The following NT5M variants were observed in gnomAD, a reference collection of about 807,000 sequenced individuals.
NT5M encodes the protein 5',3'-nucleotidase, mitochondrial, also known as 5'(3')-deoxyribonucleotidase, mitochondrial.
In NT5M, 22 loss-of-function variants were observed where a neutral mutation model predicts 22.2. That is an observed-to-expected ratio of 0.99 (90% CI 0.71 to 1.41). The LOEUF (loss-of-function observed/expected upper bound fraction) is 1.41, where lower values mean the gene tolerates loss of function less well. Among genes scored for constraint, NT5M ranks in the 40% most tolerant of loss-of-function variants. The probability of loss-of-function intolerance (pLI) is 0.00; values close to 1 mark genes in which losing one functional copy is unlikely to be tolerated. For synonymous variants in NT5M, 167 were observed against 133.0 expected (o/e 1.26, Z -1.76); for missense variants, 322 against 314.8 (o/e 1.02, Z -0.17).
intron 2 of NT5M, among the ~76,000 whole-genome samples, chr17:17,316,046 T>TGC (rs2049021070): frequency 6.6e-6 from 1 of 151,046 alleles, no homozygotes; most frequent in Non-Finnish European, 1.5e-5. Context: ...TGAGCCACCA[T>TGC]GCCCGGCCTT....
At chr17:17,338,656 G>A (rs192380540) in intron 3 of NT5M, among the ~76,000 whole-genome samples, 16 of 123,852 alleles carry the variant, frequency 1.3e-4, no homozygotes, top group African/African-American at 5.0e-4. Context: ...GAATTTTTGT[G>A]GTTCTATGTA....
rs914521896 is a variant in NT5M, at chr17:17,303,579, G to T, written c.29G>T (p.Arg10Leu). The T allele has an allele frequency of 2.6e-6, 3 of 1,147,790 alleles. No homozygotes were observed. The African/African-American group carries it at 4.9e-5, about 19-fold the overall frequency. 71.1% of individuals were successfully genotyped at this position (1,147,790 alleles called of 1,614,324 possible). The change falls in exon 1 of 5, where the codon CGG becomes CTG. Residue 10 changes from arginine to leucine, a missense_variant. Physicochemically the swap from Arg to Leu is moderately radical, Grantham distance 102. Transcript: ENST00000389022. MIRLGGWCA[R>L]RLCSAAVPAG... ...ATCCGGCTGGGCGGCTGGTGTGCGC[G>T]GCGGCTCTGCAGCGCGGCGGTTCCC...
intron 2 of NT5M, among the ~76,000 whole-genome samples, chr17:17,314,227 G>C (rs760537675): frequency 5.9e-5 from 9 of 152,040 alleles, no homozygotes; most frequent in Non-Finnish European, 1.3e-4. Flanking sequence ...TAAAGACGGG[G>C]TTTCACCACG....
intron 3 of NT5M, among the ~76,000 whole-genome samples, chr17:17,325,957 C>A (rs956504772): frequency 3.3e-5 from 5 of 152,196 alleles, no homozygotes; most frequent in African/African-American, 1.2e-4. Context: ...GTTCTTGGTC[C>A]ATCTCCTGAC....
chr17:17,339,565 G>A (rs1261377821), intron 3 of NT5M, among the ~76,000 whole-genome samples: 1 of 152,104 alleles, frequency 6.6e-6, no homozygotes, highest in East Asian at 1.9e-4. Flanking sequence ...TTAGAGGAAA[G>A]GCTTTCAGTT....
At position 17,326,104 on chromosome 17, in the gene NT5M, T is replaced by C. The variant is rs2049261021; in HGVS notation, c.429+2859T>C. Among the ~76,000 whole-genome samples, 5 of 152,224 alleles carry C rather than the reference T, an allele frequency of 3.3e-5. No individual in the cohort carries two copies. The South Asian group carries it at 1.0e-3, about 31-fold the overall frequency. On this transcript the variant is annotated intron_variant, in intron 3 of 4. Transcript: ENST00000389022. Reference sequence around the variant, plus strand: ...GATTCATTTGTCCAACAGAGAGTTATTAAACACCGGCGAGTACAGTGCTTG... The same window carrying C: ...GATTCATTTGTCCAACAGAGAGTTACTAAACACCGGCGAGTACAGTGCTTG...
At chr17:17,346,728 G>A (rs2049767087) in intron 4 of NT5M, 77 bp from the exon 5 acceptor site, 2 of 1,574,200 alleles carry the variant, frequency 1.3e-6, no homozygotes, top group Non-Finnish European at 8.6e-7. Context: ...TGCCTGCCTG[G>A]ATACCCAGGT....
At chr17:17,340,408 A>G (rs2049612431) in intron 3 of NT5M, among the ~76,000 whole-genome samples, 2 of 151,388 alleles carry the variant, frequency 1.3e-5, no homozygotes, top group Admixed American at 1.3e-4. Flanking sequence ...CATTTTGTTT[A>G]CCTTTCCAAA....
intron 3 of NT5M, among the ~76,000 whole-genome samples, chr17:17,332,066 C>T (rs1212438886): frequency 6.6e-6 from 1 of 152,050 alleles, no homozygotes; most frequent in Non-Finnish European, 1.5e-5. Context: ...AGGTGTGAGC[C>T]ACCGCATCCG....
chr17:17,337,606 T>G (rs979398209), intron 3 of NT5M, among the ~76,000 whole-genome samples: 2 of 152,038 alleles, frequency 1.3e-5, no homozygotes, highest in Non-Finnish European at 1.5e-5. Flanking sequence ...GGTCTTACTA[T>G]GTAGCCCAGG....
At chr17:17,333,984 C>T (rs563881069) in intron 3 of NT5M, among the ~76,000 whole-genome samples, 6 of 152,170 alleles carry the variant, frequency 3.9e-5, no homozygotes, top group African/African-American at 1.2e-4. Context: ...CAGGCACCCA[C>T]CACCACACCT....
intron 3 of NT5M, among the ~76,000 whole-genome samples, chr17:17,338,142 TGTCAAAAATGAGTTC>T (rs2049556554): frequency 6.6e-6 from 1 of 152,182 alleles, no homozygotes; most frequent in Non-Finnish European, 1.5e-5. Flanking sequence ...TTGGCACCTT[TGTCAAAAATGAGTTC>T]AAGGTAGATA....
At chr17:17,309,275 A>G (rs1213913270) in intron 2 of NT5M, among the ~76,000 whole-genome samples, 3 of 151,932 alleles carry the variant, frequency 2.0e-5, no homozygotes, top group Non-Finnish European at 4.4e-5. Context: ...ACAGATGCAC[A>G]CTACTACACC....
intron 3 of NT5M, among the ~76,000 whole-genome samples, chr17:17,325,873 A>G (rs530142160): frequency 6.6e-6 from 1 of 152,188 alleles, no homozygotes; most frequent in South Asian, 2.1e-4. Context: ...ATTGAAGTGT[A>G]TTCTTTCTCC....
At chr17:17,311,524 T>G (rs2048922775) in intron 2 of NT5M, among the ~76,000 whole-genome samples, 1 of 152,178 alleles carries the variant, frequency 6.6e-6, no homozygotes, top group Non-Finnish European at 1.5e-5. Context: ...TTCACACTCT[T>G]GCTGAGAATT....
intron 2 of NT5M, among the ~76,000 whole-genome samples, chr17:17,311,806 G>A (rs11078382): frequency 0.023 from 3,498 of 152,334 alleles, 74 homozygotes; most frequent in East Asian, 0.064. Context: ...GCAGAGTAGT[G>A]AATTTTATTC....
At position 17,333,965 on chromosome 17, in the gene NT5M, C is replaced by T. The variant is rs917921417; in HGVS notation, c.429+10720C>T. Among the ~76,000 whole-genome samples, 5 of 151,920 alleles carry T rather than the reference C, an allele frequency of 3.3e-5. No individual in the cohort carries two copies. In the South Asian group the frequency reaches 6.2e-4, roughly 19 times the overall value. ...TCTCCTGCCTCAGCCTCCCGAGTAG[C>T]TGGGACTACAGGCACCCACCACCAC... On this transcript the variant is annotated intron_variant, in intron 3 of 4. Coordinates refer to ENST00000389022, the MANE Select transcript of NT5M (RefSeq NM_020201.4).
rs373240301 is a variant in NT5M at position 17,323,278 on chromosome 17, C to A, written c.429+33C>A. ...GTGCGTCTGCTCAGCTGAGCCCTTA[C>A]CCCATGCATCACAGGTGAGGGGTAC... On this transcript the variant is annotated intron_variant, in intron 3 of 4. Transcript: ENST00000389022. 40 of 1,577,486 alleles carry A rather than the reference C, an allele frequency of 2.5e-5. No homozygotes were observed. In the African/African-American group the frequency reaches 5.0e-4, roughly 20 times the overall value.
chr17:17,323,186 A>T lies in NT5M; in HGVS notation c.370A>T (p.Thr124Ser). 1 of 1,613,992 alleles carries T rather than the reference A, an allele frequency of 6.2e-7. No individual in the cohort carries two copies. The change falls in exon 3 of 5, where the codon ACT (threonine) becomes TCT (serine). Residue 124 changes from threonine (T) to serine (S), a missense_variant and splice_region_variant. Physicochemically the swap from Thr to Ser is moderately conservative, Grantham distance 58. Transcript: ENST00000389022. Reference sequence around the variant, plus strand: ...CAACCTCCTTTCTCTTGTTGACAGCACTGACGTCTTCATCTGCACAAGCCC... The same window carrying T: ...CAACCTCCTTTCTCTTGTTGACAGCTCTGACGTCTTCATCTGCACAAGCCC... ...AVKEMASLQN[T>S]DVFICTSPIK...
Sources: gnomAD v4.1 joint callset for allele counts (sites outside exome capture counted in the v4.1 genomes callset) on GRCh38, gnomAD v4.1.1 for gene constraint, MANE v1.5 for transcripts, NCBI Gene and HGNC (gene_info 2026-07-23, HGNC 2026-07-21) for gene names.